The following SREBF1 variants were observed in gnomAD, a reference collection of about 807,000 sequenced individuals.
The protein encoded by SREBF1 is sterol regulatory element binding transcription factor 1.
SREBF1 carries 45 observed loss-of-function variants against 100.1 expected under a neutral mutation model. The observed-to-expected ratio is 0.45, with a 90% CI of 0.35 to 0.58. The LOEUF (loss-of-function observed/expected upper bound fraction) is 0.58. SREBF1 is among the 20% of genes least tolerant of loss of function. The probability of loss-of-function intolerance (pLI) is 0.00; values close to 1 mark genes in which losing one functional copy is unlikely to be tolerated. For synonymous variants in SREBF1, 657 were observed against 681.8 expected, an observed-to-expected ratio of 0.96 and a Z score of 0.57; for missense variants, 1,324 against 1,539.4, an observed-to-expected ratio of 0.86 and a Z score of 2.34.
chr17:17,836,613 G>T, intron 1 of SREBF1, 114 bp downstream of exon 1: 1 of 1,068,080 alleles, frequency 9.4e-7, no homozygotes, highest in Non-Finnish European at 1.4e-6. Context: ...GAAGTCCCGC[G>T]CGAGCACAGC....
At chr17:17,828,094 G>C (rs2143063226) in intron 1 of SREBF1, among the ~76,000 whole-genome samples, 1 of 152,330 alleles carries the variant, frequency 6.6e-6, no homozygotes, top group Admixed American at 6.5e-5. Flanking sequence ...AGGGACCCCA[G>C]TCAGAGGCCG....
intron 9 of SREBF1, 86 bp from the exon 10 acceptor site, chr17:17,816,804 G>C (rs1472189395): frequency 1.9e-6 from 3 of 1,573,146 alleles, no homozygotes; most frequent in Non-Finnish European, 2.6e-6. Flanking sequence ...GCAGGCTCTG[G>C]AGGGGTGGTG....
intron 9 of SREBF1, 101 bp downstream of exon 9, chr17:17,816,857 G>C (rs1367632874): frequency 6.3e-7 from 1 of 1,593,954 alleles, no homozygotes; most frequent in African/African-American, 1.3e-5. Context: ...GGACGGGACA[G>C]ATTCATGGTG....
At chr17:17,819,749 G>A in intron 2 of SREBF1, 24 bp from the exon 3 acceptor site, 1 of 1,573,180 alleles carries the variant, frequency 6.4e-7, no homozygotes, top group Non-Finnish European at 8.6e-7. Context: ...GCATGGGGCT[G>A]CAGACACAGA....
At position 17,812,365 on chromosome 17, in the gene SREBF1, G is replaced by C. The variant is rs1019041417; in HGVS notation, c.*257C>G. 12 of 581,648 alleles carry C rather than the reference G, an allele frequency of 2.1e-5. 1 individual carries two copies. In the Admixed American group the frequency reaches 3.9e-4, roughly 19 times the overall value. The allele number at this position is 581,648 out of a possible 1,614,324, so 36.0% of individuals were successfully genotyped here. On this transcript the variant is annotated 3_prime_UTR_variant, in exon 19 of 19. Transcript: ENST00000261646. The stretch of plus-strand genomic sequence containing the variant: ...TAAGGTGCCTGCAGAGCAAGGAGGG[G>C]GGCCCCCCAAAATGGCTCGGCCCCT...
At chr17:17,829,205 AATAT>A (rs71155305) in intron 1 of SREBF1, among the ~76,000 whole-genome samples, 1,541 of 65,624 alleles carry the variant, frequency 0.023, 53 homozygotes, top group African/African-American at 0.039. Context: ...AAAAAAAAAA[AATAT>A]ATATATATAT....
intron 13 of SREBF1, 117 bp downstream of exon 13, chr17:17,815,104 C>A: frequency 8.0e-7 from 1 of 1,247,740 alleles, no homozygotes; most frequent in Non-Finnish European, 1.2e-6. Context: ...AGGAATGAAG[C>A]GTGCATGGCA....
In SREBF1 at chr17:17,819,330, C is replaced by G; in HGVS notation, c.836G>C (p.Gly279Ala). 2 of 1,613,808 alleles carry G rather than the reference C, an allele frequency of 1.2e-6. No homozygotes were observed. Among genetic ancestry groups the G allele is most frequent in the African/African-American group, 2.7e-5 (2 of 75,056 alleles). The change falls in exon 4 of 19, where the codon GGG becomes GCG. Residue 279 changes from glycine to alanine, a missense_variant. Physicochemically the swap from Gly to Ala is moderately conservative, Grantham distance 60 (BLOSUM62 0). Coordinates refer to ENST00000261646, the MANE Select transcript of SREBF1 (RefSeq NM_004176.5). Reference protein sequence around the residue: ...PLVSGTTVQTGPLPTLVSGGT... With the variant: ...PLVSGTTVQTAPLPTLVSGGT... The stretch of plus-strand genomic sequence containing the variant: ...GCCCACGTCACCCACCGGCAAAGGC[C>G]CTGTCTGCACAGTGGTGCCAGAGAC...
At chr17:17,836,702 T>C (rs1419951459) in intron 1 of SREBF1, 25 bp downstream of exon 1, 12 of 1,546,914 alleles carry the variant, frequency 7.8e-6, no homozygotes, top group Non-Finnish European at 1.0e-5. Context: ...CGGCGCAGCT[T>C]CAAGCCCTGC....
In SREBF1 at chr17:17,817,627, C is replaced by T; in HGVS notation, c.1404+69G>A. 6.3e-7 allele frequency: 1 copy of T among 1,597,010 alleles called. No individual in the cohort carries two copies. Among genetic ancestry groups the T allele is most frequent in the Non-Finnish European group, 8.6e-7 (1 of 1,167,748 alleles). The stretch of plus-strand genomic sequence containing the variant: ...GGAGGTAGGATCTGTTAGGGTCTTC[C>T]CGGCCCTGTCATGAGGCTCAGAGGA... On this transcript the variant is annotated intron_variant, in intron 7 of 18. Transcript: ENST00000261646. This position sits in a 1 kb window ranked among gnomAD's most constrained non-coding sequence, Gnocchi z 6.6.
intron 1 of SREBF1, chr17:17,823,743 CGGGCAT>C (rs1412164997): frequency 3.3e-6 from 1 of 300,800 alleles, no homozygotes; most frequent in Admixed American, 6.5e-5. Context: ...GGCTGCGGGC[CGGGCAT>C]GGGGTGAGCG....
intron 11 of SREBF1, 58 bp downstream of exon 11, chr17:17,816,149 C>A: frequency 1.4e-6 from 2 of 1,417,432 alleles, no homozygotes; most frequent in Non-Finnish European, 9.7e-7. Flanking sequence ...TAGCTCTTAC[C>A]CAGGGAGCCT....
At chr17:17,832,256 G>A (rs1226024809) in intron 1 of SREBF1, among the ~76,000 whole-genome samples, 2 of 152,200 alleles carry the variant, frequency 1.3e-5, no homozygotes, top group Non-Finnish European at 2.9e-5. Context: ...GGGGTTGTCA[G>A]GGGATTAAGT....
In SREBF1 at chr17:17,819,621, G is replaced by C. The variant is rs755003247; in HGVS notation, c.628C>G (p.Pro210Ala). Reference protein sequence around the residue: ...SLHTQVQSVVPQQLLTVTAAP... With the variant: ...SLHTQVQSVVAQQLLTVTAAP... ...GCTGTGACTGTCAGTAGCTGCTGGGGGACCACACTCTGGACCTGGGTGTGC... is the reference window on the plus strand; with the variant it reads ...GCTGTGACTGTCAGTAGCTGCTGGGCGACCACACTCTGGACCTGGGTGTGC... Residue 210 changes from proline to alanine, a missense_variant, in exon 3 of 19, where the codon CCC becomes GCC. Pro to Ala is a conservative substitution (Grantham distance 27). Transcript: ENST00000261646. 2 of 1,613,432 alleles carry C rather than the reference G, an allele frequency of 1.2e-6. No individual in the cohort carries two copies. The highest frequency in any genetic ancestry group is 1.7e-6 in the Non-Finnish European group (2 of 1,179,722).
intron 1 of SREBF1, among the ~76,000 whole-genome samples, chr17:17,821,869 C>T (rs986318042): frequency 7.2e-5 from 11 of 152,198 alleles, no homozygotes; most frequent in South Asian, 4.1e-4. Flanking sequence ...AAGCCAGGCC[C>T]GCTGTGGGGC....
chr17:17,812,681 GCAGCAGC>G lies in SREBF1; in HGVS notation c.3378_3384del (p.Leu1127ThrfsTer78). 6.2e-7 allele frequency: 1 copy of G among 1,607,094 alleles called. No homozygotes were observed. Among genetic ancestry groups the G allele is most frequent in the Non-Finnish European group, 8.5e-7 (1 of 1,177,398 alleles). ...CGCATGAGCATCTGCTGACAGTCGTGCAGCAGCCGGCGATCGCCAAGCTTCTCGAGTG... is the reference window on the plus strand; with the variant it reads ...CGCATGAGCATCTGCTGACAGTCGTGCGGCGATCGCCAAGCTTCTCGAGTG... On this transcript the variant is annotated frameshift_variant, in exon 19 of 19. Transcript: ENST00000261646. LOFTEE classifies it high-confidence loss of function.
At chr17:17,833,450 A>ATAT (rs58870638) in intron 1 of SREBF1, among the ~76,000 whole-genome samples, 5 of 47,504 alleles carry the variant, frequency 1.1e-4, no homozygotes, top group African/African-American at 3.7e-4. Context: ...AAAAAAAAAA[A>ATAT]ATATATATAT....
intron 2 of SREBF1, 24 bp downstream of exon 2, chr17:17,820,066 C>G (rs1010150763): frequency 6.2e-7 from 1 of 1,600,522 alleles, no homozygotes; most frequent in Admixed American, 1.7e-5. Flanking sequence ...CCGGGTGTCC[C>G]CTCCCGCCAC....
intron 1 of SREBF1, among the ~76,000 whole-genome samples, chr17:17,835,482 G>C (rs1203684527): frequency 6.6e-6 from 1 of 152,194 alleles, no homozygotes; most frequent in Non-Finnish European, 1.5e-5. Flanking sequence ...GCTGCAGTAG[G>C]GCAGGAGTGG....
Sources: gnomAD v4.1 joint callset for allele counts (sites outside exome capture counted in the v4.1 genomes callset) on GRCh38, gnomAD v4.1.1 for gene constraint, Gnocchi (gnomAD v3.1) non-coding constraint, MANE v1.5 for transcripts, NCBI Gene and HGNC (gene_info 2026-07-23, HGNC 2026-07-21) for gene names.